The following PDE3A variants were observed in gnomAD, a reference collection of about 807,000 sequenced individuals.
The protein encoded by PDE3A is cGMP-inhibited 3',5'-cyclic phosphodiesterase 3A.
A neutral mutation model predicts 98.3 loss-of-function variants in PDE3A; 43 were observed. The observed-to-expected ratio is 0.44, with a 90% CI of 0.34 to 0.56. The LOEUF is 0.56. Among genes scored for constraint, PDE3A ranks in the 20% least tolerant of loss-of-function variants. PDE3A has a pLI of 0.01. For missense variants in PDE3A, 1,427 were observed against 1,440.7 expected, an observed-to-expected ratio of 0.99 and a Z score of 0.15; for synonymous variants, 663 against 567.9, an observed-to-expected ratio of 1.17 and a Z score of -2.38.
intron 1 of PDE3A, among the ~76,000 whole-genome samples, chr12:20,393,582 A>T (rs1324987605): frequency 6.6e-6 from 1 of 152,076 alleles, no homozygotes; most frequent in Non-Finnish European, 1.5e-5. Flanking sequence ...TACACATTGT[A>T]TACATATATC....
intron 1 of PDE3A, among the ~76,000 whole-genome samples, chr12:20,473,171 GTATA>G (rs1207450060): frequency 6.6e-6 from 1 of 152,128 alleles, no homozygotes; most frequent in Non-Finnish European, 1.5e-5. Context: ...ACATGAAAGA[GTATA>G]TATAATATTG....
At position 20,368,808 on chromosome 12, in the gene PDE3A, G is replaced by A. The variant is rs963064387; in HGVS notation, c.-477G>A. ...TGCCGCGGGCCCGGCGCGCTGCAGCGCAGCGCAGCGCCGAGCTGCGCCTCG... is the reference window on the plus strand; with the variant it reads ...TGCCGCGGGCCCGGCGCGCTGCAGCACAGCGCAGCGCCGAGCTGCGCCTCG... On this transcript the variant is annotated 5_prime_UTR_variant, in exon 1 of 16. Coordinates refer to ENST00000359062, the MANE Select transcript of PDE3A (RefSeq NM_000921.5). Among the ~76,000 whole-genome samples, 1 of 151,896 alleles carries A rather than the reference G, an allele frequency of 6.6e-6. No homozygotes were observed. Among genetic ancestry groups the A allele is most frequent in the South Asian group, 2.1e-4 (1 of 4,818 alleles).
intron 1 of PDE3A, among the ~76,000 whole-genome samples, chr12:20,430,984 C>T (rs1377884800): frequency 1.3e-5 from 2 of 152,098 alleles, no homozygotes; most frequent in Non-Finnish European, 2.9e-5. Context: ...CAGTTAGCCA[C>T]AATAGTTAAA....
intron 2 of PDE3A, among the ~76,000 whole-genome samples, chr12:20,570,850 A>C (rs561141434): frequency 6.6e-6 from 1 of 152,250 alleles, no homozygotes; most frequent in African/African-American, 2.4e-5. Flanking sequence ...TGTCTTCTGT[A>C]CAGACTAGAA....
chr12:20,553,004 G>A lies in PDE3A; in HGVS notation c.961-3656G>A, dbSNP rs1942258089. ...CAGCTCTTCCCCGGCTACGGCAATG[G>A]CCGGTGATCTCCAAGCACTTCTCGA... is the stretch of plus-strand genomic sequence containing the variant. On this transcript the variant is annotated intron_variant, in intron 1 of 15. Transcript: ENST00000359062. 4 of 1,557,132 alleles carry A rather than the reference G, an allele frequency of 2.6e-6. No homozygotes were observed. In the African/African-American group the frequency reaches 4.1e-5, roughly 16 times the overall value.
At chr12:20,617,991 T>TA (rs1225788960) in intron 4 of PDE3A, among the ~76,000 whole-genome samples, 9 of 152,154 alleles carry the variant, frequency 5.9e-5, no homozygotes, top group African/African-American at 2.2e-4. Context: ...GGAAAATACT[T>TA]ACAATAGAAA....
rs1391971845 is a variant in PDE3A at position 20,402,159 on chromosome 12, C to CT, written c.960+31923dup. Among the ~76,000 whole-genome samples the CT allele has an allele frequency of 3.3e-5, 5 of 151,826 alleles. 1 individual carries two copies. The highest frequency in any genetic ancestry group is 4.2e-4 in the South Asian group (2 of 4,792). On this transcript the variant is annotated intron_variant, in intron 1 of 15. Transcript: ENST00000359062. ...TCCTGGGAAATTGGATCCTGGATTT[C>CT]TTTTTTTTAATTCTTTTTTTGAGAG...
chr12:20,665,516 G>T (rs894638705), intron 15 of PDE3A, among the ~76,000 whole-genome samples: 2 of 152,120 alleles, frequency 1.3e-5, no homozygotes, highest in South Asian at 2.1e-4. Context: ...GTACAGGTTT[G>T]TCCAAGGCTC....
chr12:20,492,222 C>G (rs1307345663), intron 1 of PDE3A, among the ~76,000 whole-genome samples: 1 of 152,122 alleles, frequency 6.6e-6, no homozygotes, highest in Non-Finnish European at 1.5e-5. Flanking sequence ...CTCAAGTGAT[C>G]CTCCTCCCAC....
chr12:20,517,831 TA>T (rs1365589133), intron 1 of PDE3A, among the ~76,000 whole-genome samples: 1 of 152,202 alleles, frequency 6.6e-6, no homozygotes, highest in East Asian at 1.9e-4. Context: ...AATCTCTCGC[TA>T]ACTTGACAAA....
intron 5 of PDE3A, among the ~76,000 whole-genome samples, chr12:20,626,231 A>G (rs540099749): frequency 1.4e-5 from 2 of 147,724 alleles, no homozygotes; most frequent in East Asian, 3.9e-4. Flanking sequence ...CTTTCTATAA[A>G]GAAAATTTGG....
chr12:20,621,301 A>G lies in PDE3A; in HGVS notation c.1430A>G (p.Asp477Gly). The change falls in exon 5 of 16, where the codon GAT becomes GGT. Residue 477 changes from aspartate (D) to glycine (G), a missense_variant. Asp to Gly is a moderately conservative substitution (Grantham distance 94, BLOSUM62 -1). Transcript: ENST00000359062. ...TGTCTTTCTGGTGCTTTTAGTCCTGATTCTTGGAATAATCCAGTGATGATG... is the reference window on the plus strand; with the variant it reads ...TGTCTTTCTGGTGCTTTTAGTCCTGGTTCTTGGAATAATCCAGTGATGATG... Reference protein sequence around the residue: ...KLQEAPSSSPDSWNNPVMMTL... With the variant: ...KLQEAPSSSPGSWNNPVMMTL... 6.4e-7 allele frequency: 1 copy of G among 1,559,962 alleles called. No individual in the cohort carries two copies. The highest frequency in any genetic ancestry group is 8.8e-7 in the Non-Finnish European group (1 of 1,131,232).
At chr12:20,471,867 G>C (rs1196477303) in intron 1 of PDE3A, among the ~76,000 whole-genome samples, 1 of 151,948 alleles carries the variant, frequency 6.6e-6, no homozygotes, top group Non-Finnish European at 1.5e-5. Context: ...ATCCCTCCCA[G>C]CTACTGTGTT....
intron 15 of PDE3A, among the ~76,000 whole-genome samples, chr12:20,670,602 GGT>G (rs1945449889): frequency 1.3e-5 from 2 of 151,542 alleles, no homozygotes; most frequent in Admixed American, 1.3e-4. Context: ...ATGACTACTG[GGT>G]ACATAACGAA....
At chr12:20,597,593 C>A (rs139509049) in intron 2 of PDE3A, among the ~76,000 whole-genome samples, 2 of 152,228 alleles carry the variant, frequency 1.3e-5, no homozygotes, top group African/African-American at 4.8e-5. Context: ...AAAAGAACCA[C>A]ATGGACAGAT....
chr12:20,374,963 G>A (rs1219038875), intron 1 of PDE3A, among the ~76,000 whole-genome samples: 2 of 151,916 alleles, frequency 1.3e-5, no homozygotes, highest in East Asian at 1.9e-4. Context: ...TGCATTGGGC[G>A]ATGGGGAAAT....
At position 20,431,792 on chromosome 12, in the gene PDE3A, C is replaced by T. The variant is rs540817815; in HGVS notation, c.960+61548C>T. Reference sequence around the variant, plus strand: ...AATCATAGAATCAAAGATAACTATGCGCCTTATCTCAATTGTGTATAAACC... The same window carrying T: ...AATCATAGAATCAAAGATAACTATGTGCCTTATCTCAATTGTGTATAAACC... On this transcript the variant is annotated intron_variant, in intron 1 of 15. Coordinates refer to ENST00000359062, the MANE Select transcript of PDE3A (RefSeq NM_000921.5). Among the ~76,000 whole-genome samples, 13 of 152,222 alleles carry T rather than the reference C, an allele frequency of 8.5e-5. No homozygotes were observed. In the South Asian group the frequency reaches 1.2e-3, roughly 15 times the overall value.
rs754823322 is a variant in PDE3A at position 20,637,120 on chromosome 12, C to T, written c.2022C>T (p.Pro674=). 77 of 1,607,798 alleles carry T rather than the reference C, an allele frequency of 4.8e-5. No individual in the cohort carries two copies. Among genetic ancestry groups the T allele is most frequent in the East Asian group, 6.7e-5 (3 of 44,534 alleles). The stretch of plus-strand genomic sequence containing the variant: ...TACAGGACAAACCAATTCTTGCTCC[C>T]GAACCTCTTGTCATGGATAACCTGG... ...MMFLDKPILA[P]EPLVMDNLDS... The change falls in exon 9 of 16, where the codon CCC becomes CCT. Residue 674 remains proline (P), a synonymous_variant. Coordinates refer to ENST00000359062, the MANE Select transcript of PDE3A (RefSeq NM_000921.5).
intron 1 of PDE3A, among the ~76,000 whole-genome samples, chr12:20,432,753 T>C (rs542245677): frequency 2.0e-5 from 3 of 152,304 alleles, no homozygotes; most frequent in Admixed American, 2.0e-4. Context: ...TTAAAACCTG[T>C]GTTACATTTC....
Sources: allele counts gnomAD v4.1 joint callset (sites outside exome capture counted in the v4.1 genomes callset), GRCh38; gene constraint gnomAD v4.1.1; transcripts MANE v1.5; gene names NCBI Gene and HGNC (gene_info 2026-07-23, HGNC 2026-07-21).